The following RIF1 variants were observed in gnomAD, a reference collection of about 807,000 sequenced individuals.
RIF1 encodes the protein telomere-associated protein RIF1.
In RIF1, 45 loss-of-function variants were observed where a neutral mutation model predicts 247.1. The ratio of observed to expected loss-of-function variants is 0.18; its 90% CI spans 0.14 to 0.23. The LOEUF is 0.23. RIF1 is among the 10% of genes least tolerant of loss of function. The pLI is 1.00. For missense variants in RIF1, 2,967 were observed against 2,862.5 expected, an observed-to-expected ratio of 1.04 and a Z score of -0.83; for synonymous variants, 1,087 against 978.8, an observed-to-expected ratio of 1.11 and a Z score of -2.06.
chr2:151,494,742 G>A (rs1485245829), intron 9 of RIF1, among the ~76,000 whole-genome samples: 4 of 152,088 alleles, frequency 2.6e-5, no homozygotes, highest in South Asian at 2.1e-4. Flanking sequence ...TCCGCCTCCC[G>A]GGTTCAAGTG....
chr2:151,441,633 G>A (rs1361459241), intron 15 of RIF1, among the ~76,000 whole-genome samples: 3 of 152,168 alleles, frequency 2.0e-5, no homozygotes, highest in Non-Finnish European at 2.9e-5. Context: ...AATTTAGAAG[G>A]TCTAGGAAAA....
At chr2:151,438,582 C>A (rs1455598196) in intron 13 of RIF1, 102 bp from the exon 14 acceptor site, 3 of 747,556 alleles carry the variant, frequency 4.0e-6, no homozygotes, top group Admixed American at 2.0e-5. Flanking sequence ...AAGTATTGTT[C>A]AATTTATTTG....
At chr2:151,474,812 T>A in intron 35 of RIF1, 45 bp from the exon 36 acceptor site, 1 of 1,137,744 alleles carries the variant, frequency 8.8e-7, no homozygotes, top group Non-Finnish European at 1.3e-6. Context: ...AAATTTAATT[T>A]TTGTCTGGTA....
At chr2:151,443,849 T>TCCC (rs1558978940) in intron 18 of RIF1, 140 bp downstream of exon 18, 2 of 509,576 alleles carry the variant, frequency 3.9e-6, no homozygotes, top group East Asian at 3.4e-5. Flanking sequence ...CGTTGTACTT[T>TCCC]TGATTGATTT....
At chr2:151,430,000 A>G (rs911125920) in intron 9 of RIF1, among the ~76,000 whole-genome samples, 2 of 151,034 alleles carry the variant, frequency 1.3e-5, no homozygotes, top group African/African-American at 4.9e-5. Flanking sequence ...TTGTATTGTG[A>G]TTATTTGCAT....
the RIF1 span, chr2:151,531,744 C>G: frequency 2.2e-6 from 3 of 1,387,018 alleles, no homozygotes; most frequent in Non-Finnish European, 3.0e-6. Flanking sequence ...TCCATGTTTG[C>G]AGATGCCCCC....
chr2:151,440,502 A>G (rs934326667), intron 15 of RIF1, among the ~76,000 whole-genome samples: 1 of 152,218 alleles, frequency 6.6e-6, no homozygotes, highest in Non-Finnish European at 1.5e-5. Context: ...TTTAACCAAG[A>G]TAATGACTTT....
intron 15 of RIF1, among the ~76,000 whole-genome samples, chr2:151,441,669 G>A (rs1305732018): frequency 6.6e-6 from 1 of 152,106 alleles, no homozygotes. Flanking sequence ...AAATATTATC[G>A]TTGGAGATTA....
At chr2:151,466,466 T>C (rs1370928441) in intron 30 of RIF1, among the ~76,000 whole-genome samples, 1 of 152,208 alleles carries the variant, frequency 6.6e-6, no homozygotes, top group Non-Finnish European at 1.5e-5. Flanking sequence ...AACACTGCCA[T>C]TGATAAAGCA....
At chr2:151,419,245 A>T (rs1248963544) in intron 6 of RIF1, among the ~76,000 whole-genome samples, 2 of 151,914 alleles carry the variant, frequency 1.3e-5, no homozygotes, top group Non-Finnish European at 2.9e-5. Context: ...TAAAAATTAT[A>T]GTGTAGGAGT....
At position 151,469,700 on chromosome 2, in the gene RIF1, GTT is replaced by G; in HGVS notation, c.6942-8_6942-7del. On this transcript the variant is annotated splice_polypyrimidine_tract_variant and intron_variant, in intron 33 of 35. Transcript: ENST00000444746. ...TATATAATTATAATTTCCTGTTTCTGTTTTGTTTAGGGCAAGAGGCCTGGGAC... is the reference window on the plus strand; with the variant it reads ...TATATAATTATAATTTCCTGTTTCTGTTGTTTAGGGCAAGAGGCCTGGGAC... The G allele has an allele frequency of 6.6e-6, 10 of 1,516,108 alleles. No homozygotes were observed. Among genetic ancestry groups the G allele is most frequent in the Non-Finnish European group, 8.8e-6 (10 of 1,133,712 alleles). The allele number at this position is 1,516,108 out of a possible 1,614,324, so 93.9% of individuals were successfully genotyped here. A position where few individuals can be genotyped will look rare whatever the true frequency, so the allele number is the denominator to read the frequency against.
rs752267933 is a variant in RIF1 at position 151,464,287 on chromosome 2, G to A, written c.4767G>A (p.Val1589=). ...SVDIQDQEEK[V]VKQECIKAEN... ...ACATTCAAGATCAAGAAGAGAAAGT[G>A]GTGAAACAGGAATGTATAAAAGCTG... Residue 1589 remains valine, a synonymous_variant, in exon 30 of 36, where the codon GTG becomes GTA. Transcript: ENST00000444746. 1.9e-6 allele frequency: 3 copies of A among 1,613,626 alleles called. No homozygotes were observed. Among genetic ancestry groups the A allele is most frequent in the Non-Finnish European group, 2.5e-6 (3 of 1,179,918 alleles).
intron 35 of RIF1, 96 bp downstream of exon 35, chr2:151,474,168 T>C: frequency 1.4e-6 from 1 of 690,876 alleles, no homozygotes; most frequent in Non-Finnish European, 2.6e-6. Flanking sequence ...CCATGCCTTA[T>C]TTCAACAATT....
chr2:151,445,356 G>A lies in RIF1; in HGVS notation c.2005G>A (p.Gly669Ser), dbSNP rs750683039. Residue 669 changes from glycine to serine, a missense_variant, in exon 19 of 36, where the codon GGT (glycine) becomes AGT (serine). By Grantham distance (56) the Gly-to-Ser change is moderately conservative. This residue lies in a region of RIF1 where 76 missense variants were observed against 113.3 expected (regional missense o/e 0.67). Coordinates refer to ENST00000444746, the MANE Select transcript of RIF1 (RefSeq NM_018151.5). ...GTTTTAGACCAATGAAGTAAATCAA[G>A]GTGATGCCTTAGAACATAATTTTAG... is the stretch of plus-strand genomic sequence containing the variant. ...LINQTNEVNQ[G>S]DALEHNFSAI... is the part of the protein sequence containing the mutation. 8 of 1,597,042 alleles carry A rather than the reference G, an allele frequency of 5.0e-6. No individual in the cohort carries two copies. Among genetic ancestry groups the A allele is most frequent in the Non-Finnish European group, 6.0e-6 (7 of 1,164,584 alleles).
chr2:151,520,789 G>A, the RIF1 span, among the ~76,000 whole-genome samples: 10 of 152,124 alleles, frequency 6.6e-5, no homozygotes, highest in African/African-American at 2.2e-4. Flanking sequence ...ACTTGAGCCC[G>A]GGAGGTGGAG....
chr2:151,505,768 GTCTC>G (rs1033101839), intron 12 of RIF1, among the ~76,000 whole-genome samples: 1 of 152,132 alleles, frequency 6.6e-6, no homozygotes, highest in African/African-American at 2.4e-5. Flanking sequence ...GGGACGCTTT[GTCTC>G]TCTCTCGTCT....
intron 20 of RIF1, among the ~76,000 whole-genome samples, chr2:151,446,791 C>T (rs1369707405): frequency 6.6e-6 from 1 of 152,118 alleles, no homozygotes; most frequent in Non-Finnish European, 1.5e-5. Context: ...TTTTACTATA[C>T]TGTGTTATCT....
rs1481965616 is a variant in RIF1 at position 151,480,367 on chromosome 2, A to C, written c.*5296A>C. ...TATGCTGATAGAAGTTGATGCACTG[A>C]GAAGTGATGAGTTGAAGAGAATGGA... On this transcript the variant is annotated 3_prime_UTR_variant, in exon 36 of 36. Transcript: ENST00000444746. 1 of 152,202 alleles carries C rather than the reference A, an allele frequency of 6.6e-6. No homozygotes were observed. The highest frequency in any genetic ancestry group is 1.9e-4 in the East Asian group (1 of 5,196). 9.4% of individuals were successfully genotyped at this position (152,202 alleles called of 1,614,324 possible).
At chr2:151,440,233 A>G in intron 15 of RIF1, 106 bp downstream of exon 15, 1 of 684,512 alleles carries the variant, frequency 1.5e-6, no homozygotes, top group Non-Finnish European at 2.5e-6. Flanking sequence ...TTTTTATATC[A>G]AGCATTCATC....
Sources: gnomAD v4.1 joint callset for allele counts (sites outside exome capture counted in the v4.1 genomes callset) on GRCh38, gnomAD v4.1.1 for gene constraint, gnomAD v4.1.1 regional missense constraint, MANE v1.5 for transcripts, NCBI Gene and HGNC (gene_info 2026-07-23, HGNC 2026-07-21) for gene names.